NTRK2: variants seen among roughly 807,000 people sequenced by gnomAD.
The protein encoded by NTRK2 is BDNF/NT-3 growth factors receptor.
A neutral mutation model predicts 94.5 loss-of-function variants in NTRK2; 13 were observed. That is an observed-to-expected ratio of 0.14 (90% CI 0.09 to 0.22). The LOEUF (loss-of-function observed/expected upper bound fraction) is 0.22. NTRK2 is among the 10% of genes least tolerant of loss of function. NTRK2 has a pLI of 1.00. For synonymous variants in NTRK2, 372 were observed against 407.4 expected (o/e 0.91, Z 1.05); for missense variants, 639 against 1,071.2 (o/e 0.60, Z 5.63).
chr9:84,918,238 A>C (rs989173992), intron 14 of NTRK2, among the ~76,000 whole-genome samples: 1 of 152,206 alleles, frequency 6.6e-6, no homozygotes, highest in Non-Finnish European at 1.5e-5. Flanking sequence ...AGCGCCAAGC[A>C]ATCAGGTATT....
chr9:84,974,996 G>T (rs569537605), intron 17 of NTRK2, among the ~76,000 whole-genome samples: 2 of 152,148 alleles, frequency 1.3e-5, no homozygotes, highest in African/African-American at 4.8e-5. Context: ...TCCTGGTGCC[G>T]CCTGGGGCTG....
At chr9:84,732,267 A>G (rs2062944814) in intron 9 of NTRK2, among the ~76,000 whole-genome samples, 1 of 152,238 alleles carries the variant, frequency 6.6e-6, no homozygotes, top group African/African-American at 2.4e-5. Flanking sequence ...CCTGGTTCCC[A>G]GAACAGTAGC....
chr9:84,713,280 T>G lies in NTRK2; in HGVS notation c.583+2489T>G, dbSNP rs1039598608. ...ACTTTCATTGTTCTTTGTTTTTTCT[T>G]AATTGTTTGAAAGTGATAAATATTC... On this transcript the variant is annotated intron_variant, in intron 6 of 18. Coordinates refer to ENST00000277120, the MANE Select transcript of NTRK2 (RefSeq NM_006180.6). 5.9e-5 allele frequency among the ~76,000 whole-genome samples: 9 copies of G among 152,206 alleles called. No individual in the cohort carries two copies. In the East Asian group the frequency reaches 1.3e-3, roughly 23 times the overall value.
intron 17 of NTRK2, among the ~76,000 whole-genome samples, chr9:84,968,890 C>T (rs1825865985): frequency 6.6e-6 from 1 of 152,192 alleles, no homozygotes; most frequent in East Asian, 1.9e-4. Flanking sequence ...TATTGAGTAA[C>T]CACATCCTTG....
intron 12 of NTRK2, chr9:84,815,461 T>C: frequency 9.6e-7 from 1 of 1,043,584 alleles, no homozygotes; most frequent in Non-Finnish European, 1.2e-6. Flanking sequence ...TTCACGCACT[T>C]CATGTTCAAC....
intron 16 of NTRK2, among the ~76,000 whole-genome samples, chr9:84,950,287 G>C (rs946260307): frequency 3.9e-5 from 6 of 152,234 alleles, no homozygotes; most frequent in Non-Finnish European, 8.8e-5. Flanking sequence ...GATCACCCTG[G>C]TAGGGTCCAC....
intron 12 of NTRK2, among the ~76,000 whole-genome samples, chr9:84,840,715 C>A (rs1036030345): frequency 6.6e-6 from 1 of 152,162 alleles, no homozygotes; most frequent in African/African-American, 2.4e-5. Context: ...CGCTGTTCTC[C>A]TTTGCCTCCA....
intron 14 of NTRK2, among the ~76,000 whole-genome samples, chr9:84,884,998 G>C (rs577989924): frequency 2.0e-5 from 3 of 152,296 alleles, no homozygotes; most frequent in African/African-American, 7.2e-5. Context: ...AATATGTACT[G>C]GATATAGTCA....
chr9:84,888,109 G>T (rs1029548713), intron 14 of NTRK2, among the ~76,000 whole-genome samples: 13 of 152,088 alleles, frequency 8.5e-5, no homozygotes, highest in African/African-American at 2.7e-4. Flanking sequence ...GAAAAAGCCA[G>T]CCAGGACAAA....
At chr9:84,880,427 G>A (rs2076220121) in intron 14 of NTRK2, among the ~76,000 whole-genome samples, 1 of 152,172 alleles carries the variant, frequency 6.6e-6, no homozygotes, top group Non-Finnish European at 1.5e-5. Context: ...AATCTTATGA[G>A]CATCGCAGAG....
intron 14 of NTRK2, among the ~76,000 whole-genome samples, chr9:84,895,547 G>A (rs1435084351): frequency 6.6e-6 from 1 of 152,176 alleles, no homozygotes; most frequent in Non-Finnish European, 1.5e-5. Flanking sequence ...GCCTGGCTGT[G>A]GGGCTCCTTT....
chr9:84,897,785 G>A (rs745632982), intron 14 of NTRK2, among the ~76,000 whole-genome samples: 6 of 152,194 alleles, frequency 3.9e-5, no homozygotes, highest in East Asian at 1.9e-4. Context: ...CACTTTGGCC[G>A]GAGCATTGGT....
At chr9:84,764,139 G>A (rs2065835553) in intron 12 of NTRK2, among the ~76,000 whole-genome samples, 1 of 152,196 alleles carries the variant, frequency 6.6e-6, no homozygotes, top group Non-Finnish European at 1.5e-5. Context: ...GTGTCAGGTT[G>A]TTACACTATC....
At chr9:84,673,326 T>G (rs2058819992) in intron 2 of NTRK2, among the ~76,000 whole-genome samples, 1 of 152,236 alleles carries the variant, frequency 6.6e-6, no homozygotes, top group Non-Finnish European at 1.5e-5. Context: ...ATATTAATAT[T>G]TGCTTGCACA....
intron 13 of NTRK2, among the ~76,000 whole-genome samples, chr9:84,863,257 T>G (rs10780690): frequency 0.35 from 52,494 of 152,040 alleles, 11,235 homozygotes; most frequent in South Asian, 0.51. Flanking sequence ...AAGTCTACAT[T>G]AGGCTTAGAA....
chr9:85,011,185 A>G (rs557201150), intron 17 of NTRK2, among the ~76,000 whole-genome samples: 1 of 152,168 alleles, frequency 6.6e-6, no homozygotes, highest in East Asian at 1.9e-4. Flanking sequence ...AGCCACCAAG[A>G]GTTACCCAGG....
At chr9:84,812,541 G>C (rs2071926051) in intron 12 of NTRK2, 1 of 1,046,760 alleles carries the variant, frequency 9.6e-7, no homozygotes. Context: ...CTTTCCCAAA[G>C]GTGTTGATTT....
At chr9:85,005,083 C>G (rs1830806051) in intron 17 of NTRK2, among the ~76,000 whole-genome samples, 1 of 152,162 alleles carries the variant, frequency 6.6e-6, no homozygotes, top group South Asian at 2.1e-4. Context: ...GAGGGACACC[C>G]ACACAGTCAG....
Position 84,894,023 on chromosome 9 carries a change from C to CG in NTRK2, c.1633+26598dup, listed in dbSNP as rs201528135. Among the ~76,000 whole-genome samples, 400 of 152,092 alleles carry CG rather than the reference C, an allele frequency of 2.6e-3. 2 individuals carry two copies. The highest frequency in any genetic ancestry group is 8.9e-3 in the African/African-American group (368 of 41,492). On this transcript the variant is annotated intron_variant, in intron 14 of 18. Transcript: ENST00000277120. ...GGAGATATCATCAGGCTGTTCAATC[C>CG]GGGGGGCGCGGACTGAGTATGTTCC...
Sources: gnomAD v4.1 joint callset for allele counts (sites outside exome capture counted in the v4.1 genomes callset) on GRCh38, gnomAD v4.1.1 for gene constraint, MANE v1.5 for transcripts, NCBI Gene and HGNC (gene_info 2026-07-23, HGNC 2026-07-21) for gene names.